Variants in ARHGAP42 observed in about 807,000 individuals in gnomAD.
The protein encoded by ARHGAP42 is Rho GTPase activating protein 42, also known as rho GTPase-activating protein 42.
ARHGAP42 carries 63 observed loss-of-function variants against 125.0 expected under a neutral mutation model. The observed-to-expected ratio is 0.50, with a 90% CI of 0.41 to 0.62. The LOEUF (loss-of-function observed/expected upper bound fraction) is 0.62, where lower values mean the gene tolerates loss of function less well. Ranked by LOEUF, ARHGAP42 falls within the 20% of genes least tolerant of loss-of-function variation. The pLI is 0.00. For synonymous variants in ARHGAP42, 339 were observed against 351.0 expected (o/e 0.97, Z 0.38); for missense variants, 766 against 1,024.2 (o/e 0.75, Z 3.44).
intron 2 of ARHGAP42, among the ~76,000 whole-genome samples, chr11:100,779,071 C>G (rs999444172): frequency 2.6e-5 from 4 of 152,044 alleles, no homozygotes; most frequent in Non-Finnish European, 4.4e-5. Context: ...GAGTGAACAA[C>G]CACAGCTGTA....
intron 23 of ARHGAP42, 68 bp from the exon 24 acceptor site, chr11:100,988,645 C>A (rs1025025018): frequency 4.5e-5 from 59 of 1,313,950 alleles, no homozygotes; most frequent in Middle Eastern, 3.8e-4. Context: ...GGGTGTTTAA[C>A]CCATCTGTTT....
intron 5 of ARHGAP42, among the ~76,000 whole-genome samples, chr11:100,919,257 T>C (rs1469068108): frequency 1.3e-5 from 2 of 152,172 alleles, no homozygotes. Flanking sequence ...CGTACCCAAA[T>C]TCCAAACTCC....
intron 1 of ARHGAP42, among the ~76,000 whole-genome samples, chr11:100,728,441 A>T (rs2120295983): frequency 6.6e-6 from 1 of 152,264 alleles, no homozygotes; most frequent in East Asian, 1.9e-4. Context: ...AAGAGACGGT[A>T]ACACTGAAGA....
chr11:100,950,744 A>G (rs901957796), intron 12 of ARHGAP42, among the ~76,000 whole-genome samples: 3 of 152,082 alleles, frequency 2.0e-5, no homozygotes, highest in Non-Finnish European at 4.4e-5. Context: ...TAATTTGTGT[A>G]TTTGTTTCTA....
chr11:100,691,142 T>C (rs1287425320), intron 1 of ARHGAP42, among the ~76,000 whole-genome samples: 1 of 152,214 alleles, frequency 6.6e-6, no homozygotes, highest in Non-Finnish European at 1.5e-5. Context: ...TTGTGAGTGA[T>C]GTTTGAAAAT....
At chr11:100,714,344 C>A (rs192566669) in intron 1 of ARHGAP42, among the ~76,000 whole-genome samples, 2 of 151,980 alleles carry the variant, frequency 1.3e-5, no homozygotes, top group Admixed American at 6.6e-5. Flanking sequence ...AAAGGGCTAA[C>A]AGGGAATTGA....
At chr11:100,828,355 C>T (rs1277914898) in intron 3 of ARHGAP42, among the ~76,000 whole-genome samples, 1 of 152,126 alleles carries the variant, frequency 6.6e-6, no homozygotes, top group Non-Finnish European at 1.5e-5. Context: ...AGAGCTGATC[C>T]AGGGACAGAT....
chr11:100,914,883 A>T (rs1487177414), intron 5 of ARHGAP42, among the ~76,000 whole-genome samples: 2 of 152,148 alleles, frequency 1.3e-5, no homozygotes, highest in African/African-American at 4.8e-5. Flanking sequence ...CAAAGTTCCT[A>T]CAGCCTCAAA....
At chr11:100,888,920 C>T (rs1472587531) in intron 4 of ARHGAP42, among the ~76,000 whole-genome samples, 1 of 152,174 alleles carries the variant, frequency 6.6e-6, no homozygotes, top group Non-Finnish European at 1.5e-5. Flanking sequence ...AGTGCAGTTT[C>T]AATATCACTA....
chr11:100,917,030 TG>T (rs2135237291), intron 5 of ARHGAP42, among the ~76,000 whole-genome samples: 1 of 151,170 alleles, frequency 6.6e-6, no homozygotes, highest in African/African-American at 2.4e-5. Context: ...TGTGTGTGTG[TG>T]TGTGTGTGTG....
At chr11:100,902,703 C>T (rs1412137282) in intron 4 of ARHGAP42, among the ~76,000 whole-genome samples, 1 of 152,024 alleles carries the variant, frequency 6.6e-6, no homozygotes, top group Non-Finnish European at 1.5e-5. Flanking sequence ...CAGACTCCTG[C>T]TGCAGTGGGA....
intron 17 of ARHGAP42, among the ~76,000 whole-genome samples, chr11:100,966,671 A>G (rs1046072880): frequency 1.3e-5 from 2 of 152,206 alleles, no homozygotes; most frequent in African/African-American, 4.8e-5. Flanking sequence ...ATATCTGGGT[A>G]TCATAGCCTA....
chr11:100,871,557 A>AAG (rs1424644297), intron 4 of ARHGAP42, among the ~76,000 whole-genome samples: 40 of 151,468 alleles, frequency 2.6e-4, no homozygotes, highest in Admixed American at 1.8e-3. Context: ...AAAAAAAAAA[A>AAG]AAAAGAAAAA....
intron 4 of ARHGAP42, among the ~76,000 whole-genome samples, chr11:100,869,529 C>CTGTT (rs1200538321): frequency 6.6e-6 from 1 of 151,854 alleles, no homozygotes; most frequent in Non-Finnish European, 1.5e-5. Context: ...TTCCTAGAAA[C>CTGTT]TGTTAGTCAG....
At chr11:100,917,552 TATTATG>T (rs992795943) in intron 5 of ARHGAP42, among the ~76,000 whole-genome samples, 1 of 152,034 alleles carries the variant, frequency 6.6e-6, no homozygotes, top group Admixed American at 6.6e-5. Context: ...TTAATGCTAG[TATTATG>T]ATTATGATTA....
intron 12 of ARHGAP42, among the ~76,000 whole-genome samples, chr11:100,956,565 A>G (rs915276067): frequency 4.2e-5 from 6 of 143,726 alleles, no homozygotes; most frequent in Non-Finnish European, 7.6e-5. Flanking sequence ...TGTGTATCAC[A>G]TGACCAAGCC....
chr11:100,983,244 A>G (rs529581680), intron 22 of ARHGAP42, among the ~76,000 whole-genome samples: 1 of 152,368 alleles, frequency 6.6e-6, no homozygotes, highest in African/African-American at 2.4e-5. Flanking sequence ...ATATGTATTT[A>G]TTGAAAATAA....
At chr11:100,906,623 T>C (rs936883833) in intron 4 of ARHGAP42, among the ~76,000 whole-genome samples, 1 of 152,202 alleles carries the variant, frequency 6.6e-6, no homozygotes, top group Non-Finnish European at 1.5e-5. Context: ...AATTTTTTTT[T>C]TGGCAATTCT....
intron 12 of ARHGAP42, among the ~76,000 whole-genome samples, chr11:100,952,168 T>C (rs993450951): frequency 5.3e-5 from 8 of 152,222 alleles, no homozygotes; most frequent in African/African-American, 1.7e-4. Context: ...ATCTTATTTG[T>C]AATTGCACTA....
Sources: allele counts gnomAD v4.1 joint callset (sites outside exome capture counted in the v4.1 genomes callset), GRCh38; gene constraint gnomAD v4.1.1; transcripts MANE v1.5; gene names NCBI Gene and HGNC (gene_info 2026-07-23, HGNC 2026-07-21).